The following GLCCI1 variants were observed in gnomAD, a reference collection of about 807,000 sequenced individuals.
GLCCI1 encodes glucocorticoid-induced transcript 1 protein.
Under a neutral mutation model 52.2 loss-of-function variants are expected in GLCCI1, and 24 were observed. That is an observed-to-expected ratio of 0.46 (90% confidence interval 0.33 to 0.65). The LOEUF is 0.65. GLCCI1 is among the 30% of genes least tolerant of loss of function. GLCCI1 has a pLI of 0.02. For synonymous variants in GLCCI1, 310 were observed against 276.5 expected (o/e 1.12, Z -1.20); for missense variants, 704 against 701.5 (o/e 1.00, Z -0.04).
At chr7:8,054,363 A>G (rs540840421) in intron 3 of GLCCI1, among the ~76,000 whole-genome samples, 33 of 152,284 alleles carry the variant, frequency 2.2e-4, no homozygotes, top group African/African-American at 7.9e-4. Flanking sequence ...ACATTTTATG[A>G]GAGATCCATA....
chr7:8,027,965 A>G (rs1554260847), intron 3 of GLCCI1, among the ~76,000 whole-genome samples: 1 of 152,230 alleles, frequency 6.6e-6, no homozygotes, highest in Non-Finnish European at 1.5e-5. Flanking sequence ...TATAAAGCAA[A>G]TATTATTAGA....
At chr7:8,080,774 A>T (rs746830321) in intron 6 of GLCCI1, among the ~76,000 whole-genome samples, 1 of 150,738 alleles carries the variant, frequency 6.6e-6, no homozygotes, top group Non-Finnish European at 1.5e-5. Flanking sequence ...TATAATAATA[A>T]TATTCAGCGC....
At chr7:8,004,352 A>G (rs990171769) in intron 2 of GLCCI1, 1 of 210,774 alleles carries the variant, frequency 4.7e-6, no homozygotes, top group African/African-American at 2.3e-5. Context: ...ATGACTGGTA[A>G]CCATTTTAGA....
intron 5 of GLCCI1, chr7:8,069,926 C>A (rs1236543631): frequency 1.3e-5 from 2 of 152,188 alleles, no homozygotes; most frequent in African/African-American, 4.8e-5. Context: ...CCTAGCACTG[C>A]AGTCCTGTGT....
chr7:8,081,610 A>C (rs1014449800), intron 6 of GLCCI1, among the ~76,000 whole-genome samples: 1 of 152,242 alleles, frequency 6.6e-6, no homozygotes, highest in Admixed American at 6.5e-5. Flanking sequence ...AATAAAAATC[A>C]GAAGAATTTC....
chr7:7,994,539 A>T (rs746902488), intron 1 of GLCCI1, among the ~76,000 whole-genome samples: 1 of 152,192 alleles, frequency 6.6e-6, no homozygotes, highest in Non-Finnish European at 1.5e-5. Context: ...AAGAGGGTTG[A>T]CCTAGCTCTA....
At chr7:8,047,560 G>A (rs1373472273) in intron 3 of GLCCI1, among the ~76,000 whole-genome samples, 1 of 152,148 alleles carries the variant, frequency 6.6e-6, no homozygotes, top group Non-Finnish European at 1.5e-5. Flanking sequence ...AGCCTTTGGT[G>A]ACACTGCATT....
chr7:8,027,605 G>T (rs114660746), intron 3 of GLCCI1, among the ~76,000 whole-genome samples: 3 of 151,932 alleles, frequency 2.0e-5, no homozygotes, highest in East Asian at 1.9e-4. Flanking sequence ...GCAGGAGTAA[G>T]TTCCTACTTA....
chr7:8,072,995 T>TCAAA (rs998150273), intron 6 of GLCCI1, among the ~76,000 whole-genome samples: 2 of 152,196 alleles, frequency 1.3e-5, no homozygotes, highest in Non-Finnish European at 2.9e-5. Context: ...ATCATAAGTT[T>TCAAA]CAAACAGTGC....
chr7:8,004,349 G>C, intron 2 of GLCCI1: 1 of 216,616 alleles, frequency 4.6e-6, no homozygotes. Context: ...AAAATGACTG[G>C]TAACCATTTT....
At position 7,969,289 on chromosome 7, in the gene GLCCI1, C is replaced by T; in HGVS notation, c.-62C>T. The T allele has an allele frequency of 3.0e-6, 4 of 1,319,312 alleles. No individual in the cohort carries two copies. Among genetic ancestry groups the T allele is most frequent in the Non-Finnish European group, 3.9e-6 (4 of 1,022,412 alleles). The allele number at this position is 1,319,312 out of a possible 1,614,324, so 81.7% of individuals were successfully genotyped here. A position where few individuals can be genotyped will look rare whatever the true frequency, so the allele number is the denominator to read the frequency against. Reference sequence around the variant, plus strand: ...ACTATCGCGCCGGCTCCCACACGCTCGCGCGCCTCCCGCCCCGCGCCTCCG... The same window carrying T: ...ACTATCGCGCCGGCTCCCACACGCTTGCGCGCCTCCCGCCCCGCGCCTCCG... On this transcript the variant is annotated 5_prime_UTR_variant, in exon 1 of 8. Transcript: ENST00000223145. The surrounding 1 kb of genome is among the most constrained non-coding windows in gnomAD (Gnocchi z 4.9).
At chr7:8,021,141 A>G (rs1781476551) in intron 2 of GLCCI1, among the ~76,000 whole-genome samples, 1 of 152,158 alleles carries the variant, frequency 6.6e-6, no homozygotes, top group South Asian at 2.1e-4. Flanking sequence ...CATTGCTTTT[A>G]AGACGTGGTG....
chr7:8,041,789 A>G (rs1782004450), intron 3 of GLCCI1, among the ~76,000 whole-genome samples: 1 of 152,020 alleles, frequency 6.6e-6, no homozygotes, highest in African/African-American at 2.4e-5. Flanking sequence ...ACAAGGTCTC[A>G]TTATGTTGCC....
intron 2 of GLCCI1, among the ~76,000 whole-genome samples, chr7:8,013,051 G>A (rs969564589): frequency 2.0e-5 from 3 of 152,072 alleles, no homozygotes; most frequent in East Asian, 1.9e-4. Flanking sequence ...GAATGGCCTC[G>A]ACACCCTTAT....
chr7:8,064,148 T>G (rs1328446799), intron 5 of GLCCI1, among the ~76,000 whole-genome samples: 1 of 152,220 alleles, frequency 6.6e-6, no homozygotes, highest in African/African-American at 2.4e-5. Context: ...TGCAGTTGCT[T>G]TTGGCATCTT....
intron 1 of GLCCI1, among the ~76,000 whole-genome samples, chr7:7,975,098 C>G (rs1780437342): frequency 6.6e-6 from 1 of 152,162 alleles, no homozygotes; most frequent in Non-Finnish European, 1.5e-5. Flanking sequence ...GTATTTCCCT[C>G]TGCTCTTCAT....
intron 6 of GLCCI1, among the ~76,000 whole-genome samples, chr7:8,072,192 A>T (rs1376037575): frequency 6.6e-6 from 1 of 152,132 alleles, no homozygotes; most frequent in African/African-American, 2.4e-5. Flanking sequence ...ACTATAATTT[A>T]ATTTCCCCTG....
At chr7:7,974,279 G>A (rs1780419465) in intron 1 of GLCCI1, among the ~76,000 whole-genome samples, 1 of 152,040 alleles carries the variant, frequency 6.6e-6, no homozygotes, top group African/African-American at 2.4e-5. Context: ...AAAATCTATT[G>A]TCTTATGTTC....
At chr7:7,993,310 T>G (rs1279949836) in intron 1 of GLCCI1, among the ~76,000 whole-genome samples, 1 of 152,226 alleles carries the variant, frequency 6.6e-6, no homozygotes, top group East Asian at 1.9e-4. Flanking sequence ...TCGATTCTGC[T>G]CTCTTCCTGA....
Sources: gnomAD v4.1 joint callset for allele counts (sites outside exome capture counted in the v4.1 genomes callset) on GRCh38, gnomAD v4.1.1 for gene constraint, Gnocchi (gnomAD v3.1) non-coding constraint, MANE v1.5 for transcripts, NCBI Gene and HGNC (gene_info 2026-07-23, HGNC 2026-07-21) for gene names.